The following UBTF variants were observed in gnomAD, a reference collection of about 807,000 sequenced individuals.
UBTF encodes the protein nucleolar transcription factor 1.
Under a neutral mutation model 112.3 loss-of-function variants are expected in UBTF, and 8 were observed. The ratio of observed to expected loss-of-function variants is 0.07; its 90% confidence interval spans 0.04 to 0.13. The LOEUF is 0.13. Among genes scored for constraint, UBTF ranks in the 10% least tolerant of loss-of-function variants. UBTF has a pLI of 1.00. For missense variants in UBTF, 457 were observed against 982.1 expected (o/e 0.47, Z 7.15); for synonymous variants, 417 against 373.1 (o/e 1.12, Z -1.36).
intron 8 of UBTF, 101 bp downstream of exon 8, chr17:44,212,243 G>C (rs1171266700): frequency 2.9e-6 from 3 of 1,026,908 alleles, no homozygotes; most frequent in African/African-American, 1.6e-5. Context: ...CCTCAACAGA[G>C]GGATGGGGAG....
At chr17:44,212,115 G>T in intron 8 of UBTF, 109 bp from the exon 9 acceptor site, 1 of 1,209,948 alleles carries the variant, frequency 8.3e-7, no homozygotes, top group Non-Finnish European at 1.2e-6. Context: ...GCTGGGGGTG[G>T]CTGCGCGTCA....
In UBTF at chr17:44,206,589, G is replaced by A. The variant is rs926643705; in HGVS notation, c.*653C>T. 2 of 148,798 alleles carry A rather than the reference G, an allele frequency of 1.3e-5. No individual in the cohort carries two copies. Among genetic ancestry groups the A allele is most frequent in the African/African-American group, 2.5e-5 (1 of 39,902 alleles). The allele number at this position is 148,798 out of a possible 1,614,324, so 9.2% of individuals were successfully genotyped here. On this transcript the variant is annotated 3_prime_UTR_variant, in exon 21 of 21. Transcript: ENST00000436088. ...AGAAATGACAACAGAGACGGCAGCC[G>A]AGATCGGTAGGAAACGTCTCGTTGA... is the stretch of plus-strand genomic sequence containing the variant.
Position 44,211,376 on chromosome 17 carries a change from CCA to C in UBTF, c.1048-47_1048-46del, listed in dbSNP as rs1461850296. The C allele has an allele frequency of 3.1e-6, 5 of 1,611,194 alleles. No homozygotes were observed. Among genetic ancestry groups the C allele is most frequent in the African/African-American group, 1.3e-5 (1 of 74,868 alleles). On this transcript the variant is annotated intron_variant, in intron 10 of 20. Coordinates refer to ENST00000436088, the MANE Select transcript of UBTF (RefSeq NM_014233.4). This position sits in a 1 kb window ranked among gnomAD's most constrained non-coding sequence, Gnocchi z 4.9. ...CAGGATCAGTCTGGAGACAGTGTCA[CCA>C]CAGACCCTGCAGTACTCGGAGGACA...
At position 44,210,835 on chromosome 17, in the gene UBTF, C is replaced by T. The variant is rs769367073; in HGVS notation, c.1316G>A (p.Arg439His). 6.4e-7 allele frequency: 1 copy of T among 1,568,518 alleles called. No individual in the cohort carries two copies. Among genetic ancestry groups the T allele is most frequent in the South Asian group, 1.2e-5 (1 of 86,486 alleles). ...RPELSESELT[R>H]LLARMWNDLS... Reference sequence around the variant, plus strand: ...GTCGTTCCACATTCGGGCCAGCAGGCGGGTCAGCTCGCTCTCGGAGAGCTC... The same window carrying T: ...GTCGTTCCACATTCGGGCCAGCAGGTGGGTCAGCTCGCTCTCGGAGAGCTC... The change falls in exon 13 of 21, where the codon CGC becomes CAC. Residue 439 changes from arginine (R) to histidine (H), a missense_variant. Physicochemically the swap from Arg to His is conservative, Grantham distance 29 (BLOSUM62 0). Coordinates refer to ENST00000436088, the MANE Select transcript of UBTF (RefSeq NM_014233.4).
Position 44,215,645 on chromosome 17 carries a change from T to TC in UBTF, c.474+8dup, listed in dbSNP as rs2046811538. 1.2e-6 allele frequency: 2 copies of TC among 1,613,326 alleles called. No homozygotes were observed. Among genetic ancestry groups the TC allele is most frequent in the Non-Finnish European group, 1.7e-6 (2 of 1,179,812 alleles). ...TCCCCTCCTCCCACCTTAACTCTCC[T>TC]CCCCCCACCTTCTTCTTCTCCGGAA... is the stretch of plus-strand genomic sequence containing the variant. On this transcript the variant is annotated intron_variant, in intron 5 of 20. Coordinates refer to ENST00000436088, the MANE Select transcript of UBTF (RefSeq NM_014233.4).
chr17:44,207,451 C>T lies in UBTF; in HGVS notation c.2169+3G>A. 6.2e-7 allele frequency: 1 copy of T among 1,613,666 alleles called. No homozygotes were observed. The highest frequency in any genetic ancestry group is 8.5e-7 in the Non-Finnish European group (1 of 1,179,746). ...CCCTCCCACTGTGCCCTGTCTGCCC[C>T]ACCTCATCCCCATCCTCGCTCTCGT... On this transcript the variant is annotated splice_donor_region_variant and intron_variant, in intron 20 of 20. Coordinates refer to ENST00000436088, the MANE Select transcript of UBTF (RefSeq NM_014233.4).
intron 15 of UBTF, among the ~76,000 whole-genome samples, 160 bp downstream of exon 15, chr17:44,209,964 G>A (rs1409099109): frequency 1.3e-5 from 2 of 152,188 alleles, no homozygotes; most frequent in Non-Finnish European, 2.9e-5. Context: ...GGTTAGCAAT[G>A]TCACCCCCAC....
chr17:44,210,926 G>T lies in UBTF; in HGVS notation c.1225C>A (p.Arg409=), dbSNP rs777820337. The part of the protein sequence containing the change: ...GGKGGSEKPK[R]PVSAMFIFSE... ...AAGATGAACATGGCCGACACGGGCC[G>T]CTTGGGCTTCTCGGAGCCGCCCTGT... The change falls in exon 13 of 21, where the codon CGG becomes AGG. Residue 409 remains arginine (R), a synonymous_variant. Transcript: ENST00000436088. 12 of 1,607,734 alleles carry T rather than the reference G, an allele frequency of 7.5e-6. No individual in the cohort carries two copies. The highest frequency in any genetic ancestry group is 9.3e-6 in the Non-Finnish European group (11 of 1,179,000).
At chr17:44,217,562 A>T (rs2046908490) in intron 2 of UBTF, among the ~76,000 whole-genome samples, 2 of 152,174 alleles carry the variant, frequency 1.3e-5, no homozygotes, top group African/African-American at 4.8e-5. Context: ...TTTCATTTGC[A>T]TCTGGTAACC....
intron 5 of UBTF, among the ~76,000 whole-genome samples, chr17:44,213,677 TCTCA>T (rs1012523813): frequency 2.1e-4 from 32 of 152,274 alleles, no homozygotes; most frequent in Admixed American, 5.2e-4. Context: ...CACTCCCTCT[TCTCA>T]CTGTCTGTGG....
chr17:44,221,264 T>G (rs1165497242), upstream of UBTF: 1 of 152,112 alleles, frequency 6.6e-6, no homozygotes, highest in African/African-American at 2.4e-5. Context: ...GAGCGCGGGT[T>G]GAAAGCCAGC....
Position 44,210,966 on chromosome 17 carries a change from T to C in UBTF, c.1204-19A>G, listed in dbSNP as rs766795488. On this transcript the variant is annotated intron_variant, in intron 12 of 20. Transcript: ENST00000436088. The stretch of plus-strand genomic sequence containing the variant: ...AGCCGCCCTGTCCAGGTGCAGAGGG[T>C]CGGGGTCCGTGGGTGCTGCCAGGGA... 2 of 1,601,376 alleles carry C rather than the reference T, an allele frequency of 1.2e-6. No homozygotes were observed. Among genetic ancestry groups the C allele is most frequent in the Non-Finnish European group, 1.7e-6 (2 of 1,175,776 alleles).
chr17:44,212,949 A>G lies in UBTF; in HGVS notation c.540-10T>C. Reference sequence around the variant, plus strand: ...GTCGGGGTGATCCTCCCTAGCCAGGACACGGGGAGCAAGGATCAGCAGGGG... The same window carrying G: ...GTCGGGGTGATCCTCCCTAGCCAGGGCACGGGGAGCAAGGATCAGCAGGGG... On this transcript the variant is annotated splice_polypyrimidine_tract_variant and intron_variant, in intron 6 of 20. Transcript: ENST00000436088. The G allele has an allele frequency of 6.2e-7, 1 of 1,613,672 alleles. No individual in the cohort carries two copies.
chr17:44,209,248 T>C (rs1015856222), intron 17 of UBTF, 104 bp downstream of exon 17: 3 of 1,213,336 alleles, frequency 2.5e-6, no homozygotes, highest in African/African-American at 3.1e-5. Flanking sequence ...AATGAAATCA[T>C]GAATGAGACC....
At chr17:44,209,983 TGA>T (rs1471890510) in intron 15 of UBTF, 139 bp downstream of exon 15, 11 of 936,786 alleles carry the variant, frequency 1.2e-5, no homozygotes, top group East Asian at 2.5e-5. Flanking sequence ...ACCTTACTGA[TGA>T]GAGACAGAGG....
rs2056670204 is a variant in UBTF at position 44,211,422 on chromosome 17, C to G, written c.1048-91G>C. 6.3e-7 allele frequency: 1 copy of G among 1,589,948 alleles called. No homozygotes were observed. On this transcript the variant is annotated intron_variant, in intron 10 of 20. Transcript: ENST00000436088. The surrounding 1 kb of genome is among the most constrained non-coding windows in gnomAD (Gnocchi z 4.9). ...GAGGACAGTGACCTTCAGCGGGCCTCCAGAGCCTGGGTGTGGGCTGGACTC... is the reference window on the plus strand; with the variant it reads ...GAGGACAGTGACCTTCAGCGGGCCTGCAGAGCCTGGGTGTGGGCTGGACTC...
At position 44,215,575 on chromosome 17, in the gene UBTF, G is replaced by A. The variant is rs552826743; in HGVS notation, c.474+79C>T. ...ATCCCTGATGCCAGGTTTCTCCAAG[G>A]CCTACCTCCAACTGACCCACACCAC... On this transcript the variant is annotated intron_variant, in intron 5 of 20. Coordinates refer to ENST00000436088, the MANE Select transcript of UBTF (RefSeq NM_014233.4). The A allele has an allele frequency of 5.8e-6, 9 of 1,563,556 alleles. No homozygotes were observed. The Admixed American group carries it at 1.6e-4, about 27-fold the overall frequency.
Position 44,218,158 on chromosome 17 carries a change from G to A in UBTF, c.58+14C>T, listed in dbSNP as rs776081750. 11 of 1,611,876 alleles carry A rather than the reference G, an allele frequency of 6.8e-6. No homozygotes were observed. Among genetic ancestry groups the A allele is most frequent in the Non-Finnish European group, 7.6e-6 (9 of 1,178,938 alleles). Reference sequence around the variant, plus strand: ...GGGTTTAAGTTTCAGAGGGCCGGGGGTGGATGCCCCTACCTTGGCCTTTGG... The same window carrying A: ...GGGTTTAAGTTTCAGAGGGCCGGGGATGGATGCCCCTACCTTGGCCTTTGG... On this transcript the variant is annotated intron_variant, in intron 2 of 20. Transcript: ENST00000436088.
At chr17:44,217,262 G>A (rs1011766615) in intron 2 of UBTF, among the ~76,000 whole-genome samples, 2 of 152,262 alleles carry the variant, frequency 1.3e-5, no homozygotes, top group African/African-American at 4.8e-5. Flanking sequence ...CCTTAAAGCA[G>A]ATCAAGGGAG....
Sources: gnomAD v4.1 joint callset for allele counts (sites outside exome capture counted in the v4.1 genomes callset) on GRCh38, gnomAD v4.1.1 for gene constraint, Gnocchi (gnomAD v3.1) non-coding constraint, MANE v1.5 for transcripts, NCBI Gene and HGNC (gene_info 2026-07-23, HGNC 2026-07-21) for gene names.